The following CFAP144 variants were observed in gnomAD, a reference collection of about 807,000 sequenced individuals.
The protein encoded by CFAP144 is cilia- and flagella-associated protein 144.
the CFAP144 span, among the ~76,000 whole-genome samples, chr1:43,143,202 A>G: frequency 2.0e-5 from 3 of 152,216 alleles, no homozygotes; most frequent in African/African-American, 4.8e-5. Context: ...AAGAGAACCT[A>G]TACACCACAT....
chr1:43,156,245 A>G, the CFAP144 span: 3 of 1,614,008 alleles, frequency 1.9e-6, no homozygotes, highest in African/African-American at 1.3e-5. Context: ...GAATCACTTC[A>G]GGGTCTGCAG....
the CFAP144 span, among the ~76,000 whole-genome samples, chr1:43,145,868 T>C: frequency 2.6e-4 from 40 of 152,250 alleles, no homozygotes; most frequent in Admixed American, 2.3e-3. Context: ...AGTGTAGTGC[T>C]GTTGCAAGCT....
chr1:43,143,646 C>G, the CFAP144 span, among the ~76,000 whole-genome samples: 1 of 152,142 alleles, frequency 6.6e-6, no homozygotes, highest in African/African-American at 2.4e-5. Flanking sequence ...AAGTCCAAAT[C>G]TAGTCGTTAG....
At chr1:43,146,395 C>G in the CFAP144 span, among the ~76,000 whole-genome samples, 1 of 152,128 alleles carries the variant, frequency 6.6e-6, no homozygotes, top group Non-Finnish European at 1.5e-5. Flanking sequence ...TCAGCTCATA[C>G]TTTTATTGAA....
the CFAP144 span, among the ~76,000 whole-genome samples, chr1:43,154,062 G>GTA: frequency 0.12 from 10,266 of 82,884 alleles, 656 homozygotes; most frequent in East Asian, 0.21. Flanking sequence ...ATATGTGTGT[G>GTA]TATATATATA....
the CFAP144 span, chr1:43,156,079 C>T: frequency 2.7e-6 from 2 of 746,574 alleles, no homozygotes; most frequent in African/African-American, 3.4e-5. Context: ...ATGTGGTCAT[C>T]TCCATTCCGC....
At chr1:43,154,369 CAT>C in the CFAP144 span, among the ~76,000 whole-genome samples, 8,975 of 142,990 alleles carry the variant, frequency 0.063, 896 homozygotes, top group African/African-American at 0.22. Flanking sequence ...AAAATATGTA[CAT>C]ATATATGTAC....
the CFAP144 span, among the ~76,000 whole-genome samples, chr1:43,149,256 A>G: frequency 6.6e-6 from 1 of 152,190 alleles, no homozygotes; most frequent in East Asian, 1.9e-4. Flanking sequence ...TGCCAGCTTC[A>G]TGCCATACTC....
At chr1:43,150,903 C>T in the CFAP144 span, 1 of 1,153,156 alleles carries the variant, frequency 8.7e-7, no homozygotes, top group Non-Finnish European at 1.3e-6. Context: ...GTCGTGATAT[C>T]TTGGAGCAAG....
At chr1:43,150,004 T>C in the CFAP144 span, among the ~76,000 whole-genome samples, 3 of 152,114 alleles carry the variant, frequency 2.0e-5, no homozygotes, top group Non-Finnish European at 4.4e-5. Flanking sequence ...CACGCTCATA[T>C]GCTTCCCACA....
At chr1:43,148,494 C>G in the CFAP144 span, among the ~76,000 whole-genome samples, 1 of 152,094 alleles carries the variant, frequency 6.6e-6, no homozygotes, top group Non-Finnish European at 1.5e-5. Flanking sequence ...ACATCCCTAC[C>G]CTCCACTCTT....
chr1:43,147,533 T>C, the CFAP144 span, among the ~76,000 whole-genome samples: 1 of 152,230 alleles, frequency 6.6e-6, no homozygotes, highest in African/African-American at 2.4e-5. Context: ...ATTCTGGGCA[T>C]CTGCTTTAAG....
chr1:43,145,692 A>C, the CFAP144 span, among the ~76,000 whole-genome samples: 3 of 152,230 alleles, frequency 2.0e-5, no homozygotes, highest in Non-Finnish European at 4.4e-5. Flanking sequence ...GTCTAGATTC[A>C]ATATAATCTC....
the CFAP144 span, among the ~76,000 whole-genome samples, chr1:43,143,938 C>T: frequency 6.6e-6 from 1 of 152,236 alleles, no homozygotes; most frequent in Non-Finnish European, 1.5e-5. Context: ...ACCTAAGGGA[C>T]TTCATTCTCT....
At chr1:43,152,856 TG>T in the CFAP144 span, 4 of 1,612,494 alleles carry the variant, frequency 2.5e-6, no homozygotes, top group Non-Finnish European at 3.4e-6. Flanking sequence ...TTCACCATGC[TG>T]CCCAGGGACC....
chr1:43,152,179 C>G, the CFAP144 span, among the ~76,000 whole-genome samples: 1 of 152,204 alleles, frequency 6.6e-6, no homozygotes, highest in African/African-American at 2.4e-5. Context: ...GCCTGCGTCT[C>G]TCCGGTGGAG....
the CFAP144 span, chr1:43,156,386 T>C: frequency 8.3e-7 from 1 of 1,208,632 alleles, no homozygotes; most frequent in Admixed American, 1.8e-5. Flanking sequence ...AAAATACTAC[T>C]TTAAAACGAA....
chr1:43,156,347 T>C, the CFAP144 span: 36 of 1,488,628 alleles, frequency 2.4e-5, no homozygotes, highest in African/African-American at 4.7e-4. Flanking sequence ...GTGGATCTAA[T>C]GCCTTAAGTG....
At chr1:43,151,267 AAT>A in the CFAP144 span, among the ~76,000 whole-genome samples, 29 of 152,370 alleles carry the variant, frequency 1.9e-4, no homozygotes, top group African/African-American at 7.0e-4. Context: ...TAAACAAAGC[AAT>A]ACCAGTGCAT....
Sources: gnomAD v4.1 joint callset for allele counts (sites outside exome capture counted in the v4.1 genomes callset) on GRCh38, gnomAD v4.1.1 for gene constraint, MANE v1.5 for transcripts, NCBI Gene and HGNC (gene_info 2026-07-23, HGNC 2026-07-21) for gene names.